Variants in ARL6IP6 observed in about 807,000 individuals in gnomAD.
ARL6IP6 encodes ARF like GTPase 6 interacting protein 6, also known as ADP-ribosylation factor-like protein 6-interacting protein 6.
In ARL6IP6, 22 loss-of-function variants were observed where a neutral mutation model predicts 21.5. That is an observed-to-expected ratio of 1.02 (90% CI 0.73 to 1.46). ARL6IP6 has a LOEUF of 1.46. Ranked by LOEUF, ARL6IP6 falls within the 40% of genes most tolerant of loss-of-function variation. The pLI is 0.00. For missense variants in ARL6IP6, 388 were observed against 299.8 expected (o/e 1.29, Z -2.17); for synonymous variants, 164 against 125.3 (o/e 1.31, Z -2.06).
At chr2:152,748,843 G>A (rs1179510782) in intron 3 of ARL6IP6, among the ~76,000 whole-genome samples, 10 of 152,188 alleles carry the variant, frequency 6.6e-5, no homozygotes, top group Non-Finnish European at 2.9e-5. Flanking sequence ...GTGGAGTCTG[G>A]TGTTTAGTAT....
upstream of ARL6IP6, chr2:152,718,268 T>C: frequency 1.1e-5 from 3 of 271,764 alleles, no homozygotes; most frequent in Non-Finnish European, 1.9e-5. Context: ...TTTGGGGCTG[T>C]CGGGGCGCGC....
At chr2:152,733,804 T>G (rs1003856685) in intron 2 of ARL6IP6, among the ~76,000 whole-genome samples, 1 of 152,190 alleles carries the variant, frequency 6.6e-6, no homozygotes, top group Non-Finnish European at 1.5e-5. Context: ...ATCTTGTTAA[T>G]TTACTTACAT....
chr2:152,751,669 C>T (rs1356589030), intron 3 of ARL6IP6, among the ~76,000 whole-genome samples: 1 of 152,036 alleles, frequency 6.6e-6, no homozygotes, highest in African/African-American at 2.4e-5. Flanking sequence ...CTTAATGTCC[C>T]CCAGACTCAT....
At chr2:152,748,186 A>G (rs1361175935) in intron 3 of ARL6IP6, among the ~76,000 whole-genome samples, 1 of 152,234 alleles carries the variant, frequency 6.6e-6, no homozygotes, top group Non-Finnish European at 1.5e-5. Context: ...TTAGGGAAGC[A>G]TTCTCTTTAA....
intron 3 of ARL6IP6, among the ~76,000 whole-genome samples, chr2:152,757,540 AAGG>A (rs145932984): frequency 0.011 from 1,685 of 152,278 alleles, 27 homozygotes; most frequent in African/African-American, 0.038. Context: ...AGTTTTGACA[AAGG>A]AGAACCATAA....
intron 3 of ARL6IP6, among the ~76,000 whole-genome samples, chr2:152,750,646 A>G (rs1449208271): frequency 2.4e-3 from 1 of 416 alleles, no homozygotes; most frequent in Non-Finnish European, 0.029. Context: ...CCCTTTACAC[A>G]ATGTACCTCT....
At chr2:152,732,622 T>A (rs1266982418) in intron 2 of ARL6IP6, 1 of 430,286 alleles carries the variant, frequency 2.3e-6, no homozygotes, top group Non-Finnish European at 4.6e-6. Flanking sequence ...AATTTGACAT[T>A]TTATTTTGCT....
rs1314601913 is a variant in ARL6IP6 at position 152,762,303 on chromosome 2, A to C, written c.*2463A>C. The stretch of plus-strand genomic sequence containing the variant: ...AATAAGGCTGATAACGGATATTGCT[A>C]ATGGCGTTACCCTGGTCCCTGAAGC... On this transcript the variant is annotated 3_prime_UTR_variant, in exon 4 of 4. Coordinates refer to ENST00000326446, the MANE Select transcript of ARL6IP6 (RefSeq NM_152522.7). Among the ~76,000 whole-genome samples, 1 of 152,234 alleles carries C rather than the reference A, an allele frequency of 6.6e-6. No homozygotes were observed. The highest frequency in any genetic ancestry group is 1.5e-5 in the Non-Finnish European group (1 of 68,038).
chr2:152,720,528 TG>T lies in ARL6IP6; in HGVS notation c.401-4del. On this transcript the variant is annotated splice_polypyrimidine_tract_variant and splice_region_variant and intron_variant, in intron 1 of 3. Coordinates refer to ENST00000326446, the MANE Select transcript of ARL6IP6 (RefSeq NM_152522.7). ...TCCTACCTAAGTCCCTCTTTGTATT[TG>T]CAGAGTTGCATGCTGAGAATTTGAA... 1 of 1,613,474 alleles carries T rather than the reference TG, an allele frequency of 6.2e-7. No individual in the cohort carries two copies. Among genetic ancestry groups the T allele is most frequent in the Non-Finnish European group, 8.5e-7 (1 of 1,179,388 alleles).
At chr2:152,726,442 G>A (rs78172213) in intron 2 of ARL6IP6, among the ~76,000 whole-genome samples, 1,942 of 152,254 alleles carry the variant, frequency 0.013, 45 homozygotes, top group African/African-American at 0.043. Context: ...TGGCTTTGAC[G>A]TGTAAAGAGA....
At chr2:152,718,033 T>C (rs1266590167), upstream of ARL6IP6, 3 of 991,964 alleles carry the variant, frequency 3.0e-6, no homozygotes, top group African/African-American at 3.5e-5. Flanking sequence ...GCGTGTCGAG[T>C]AGCGGGAGGG....
chr2:152,718,229 G>A (rs1266224519), upstream of ARL6IP6: 2 of 361,464 alleles, frequency 5.5e-6, no homozygotes, highest in Non-Finnish European at 7.9e-6. Context: ...GCGAGCGGGC[G>A]CTAGGACCCG....
At chr2:152,733,259 G>GTTGT (rs148634776) in intron 2 of ARL6IP6, among the ~76,000 whole-genome samples, 137 of 151,952 alleles carry the variant, frequency 9.0e-4, no homozygotes, top group African/African-American at 2.5e-3. Context: ...GCTTCGTTCT[G>GTTGT]TTGTTTGTTT....
chr2:152,737,233 C>G (rs915418541), intron 3 of ARL6IP6, among the ~76,000 whole-genome samples: 1 of 152,132 alleles, frequency 6.6e-6, no homozygotes, highest in Non-Finnish European at 1.5e-5. Flanking sequence ...TGATTTTACT[C>G]TTGCTGTTCT....
In ARL6IP6 at chr2:152,720,521, T is replaced by C. The variant is rs771206260; in HGVS notation, c.401-12T>C. On this transcript the variant is annotated splice_polypyrimidine_tract_variant and intron_variant, in intron 1 of 3. Transcript: ENST00000326446. ...ATTGCTTTCCTACCTAAGTCCCTCT[T>C]TGTATTTGCAGAGTTGCATGCTGAG... The C allele has an allele frequency of 2.0e-5, 32 of 1,612,484 alleles. No homozygotes were observed.
At chr2:152,723,960 TC>T (rs1200130147) in intron 2 of ARL6IP6, among the ~76,000 whole-genome samples, 2 of 151,228 alleles carry the variant, frequency 1.3e-5, no homozygotes, top group African/African-American at 4.9e-5. Context: ...GAACCTATAC[TC>T]TATTAAGAAA....
At chr2:152,743,417 C>G (rs1471188559) in intron 3 of ARL6IP6, among the ~76,000 whole-genome samples, 3 of 152,082 alleles carry the variant, frequency 2.0e-5, no homozygotes, top group Non-Finnish European at 4.4e-5. Context: ...ACTCAAATAA[C>G]CTTCACAGTA....
At chr2:152,731,503 C>A (rs551177725) in intron 2 of ARL6IP6, among the ~76,000 whole-genome samples, 1 of 152,308 alleles carries the variant, frequency 6.6e-6, no homozygotes, top group Admixed American at 6.5e-5. Flanking sequence ...AGGCATGGAA[C>A]ACACTCTCAG....
chr2:152,718,645 G>T lies in ARL6IP6; in HGVS notation c.21G>T (p.Gly7=), dbSNP rs114704441. The stretch of plus-strand genomic sequence containing the variant: ...GCGCCATGTCGTTTGCTGAGAGCGG[G>T]TGGCGGTCGGCTCTGCGGCGCCGCG... The part of the protein sequence containing the change: MSFAES[G]WRSALRRRGP... Residue 7 remains glycine, a synonymous_variant, in exon 1 of 4, where the codon GGG becomes GGT. Coordinates refer to ENST00000326446, the MANE Select transcript of ARL6IP6 (RefSeq NM_152522.7). 2 of 1,545,652 alleles carry T rather than the reference G, an allele frequency of 1.3e-6. No homozygotes were observed. Among genetic ancestry groups the T allele is most frequent in the East Asian group, 2.3e-5 (1 of 43,620 alleles).
Sources: gnomAD v4.1 joint callset for allele counts (sites outside exome capture counted in the v4.1 genomes callset) on GRCh38, gnomAD v4.1.1 for gene constraint, MANE v1.5 for transcripts, NCBI Gene and HGNC (gene_info 2026-07-23, HGNC 2026-07-21) for gene names.